PCDHGC4: variants seen among roughly 807,000 people sequenced by gnomAD.
PCDHGC4 encodes the protein protocadherin gamma subfamily C, 4.
A neutral mutation model predicts 59.7 loss-of-function variants in PCDHGC4; 15 were observed. That is an observed-to-expected ratio of 0.25 (90% CI 0.17 to 0.39). PCDHGC4 has a LOEUF of 0.39. Ranked by LOEUF, PCDHGC4 falls within the 10% of genes least tolerant of loss-of-function variation. The pLI is 1.00. For synonymous variants in PCDHGC4, 434 were observed against 481.4 expected, an observed-to-expected ratio of 0.90 and a Z score of 1.29; for missense variants, 1,016 against 1,189.5, an observed-to-expected ratio of 0.85 and a Z score of 2.15.
chr5:141,511,237 T>C lies in PCDHGC4; in HGVS notation c.*64T>C, dbSNP rs886816274. 1.9e-6 allele frequency: 3 copies of C among 1,590,378 alleles called. No homozygotes were observed. The South Asian group carries it at 3.4e-5, about 18-fold the overall frequency. ...CCAACCAGCCCAGCTTCTCCTTACC[T>C]GCACCCAGGCCTCAGAGTTTCAGGG... On this transcript the variant is annotated 3_prime_UTR_variant, in exon 4 of 4. Coordinates refer to ENST00000306593, the MANE Select transcript of PCDHGC4 (RefSeq NM_018928.3).
chr5:141,490,143 A>G lies in PCDHGC4; in HGVS notation c.2442+2528A>G. On this transcript the variant is annotated intron_variant, in intron 1 of 3. Transcript: ENST00000306593. The surrounding 1 kb of genome is among the most constrained non-coding windows in gnomAD (Gnocchi z 5.4). ...TTGGCCTAGACCCTAGCAGTGGGGC[A>G]ATCCATGTGTTGGGTCCCATAGACT... is the stretch of plus-strand genomic sequence containing the variant. 1 of 1,614,234 alleles carries G rather than the reference A, an allele frequency of 6.2e-7. No homozygotes were observed. The highest frequency in any genetic ancestry group is 8.5e-7 in the Non-Finnish European group (1 of 1,180,034).
chr5:141,502,500 G>C (rs1398797155), intron 2 of PCDHGC4, among the ~76,000 whole-genome samples: 1 of 152,046 alleles, frequency 6.6e-6, no homozygotes, highest in Non-Finnish European at 1.5e-5. Flanking sequence ...ATCTAACGTC[G>C]GCCTGTCCCA....
chr5:141,488,885 T>C (rs1401230063), intron 1 of PCDHGC4, among the ~76,000 whole-genome samples: 1 of 152,194 alleles, frequency 6.6e-6, no homozygotes, highest in Admixed American at 6.5e-5. Flanking sequence ...GAAGCTTCTG[T>C]GACACAGATT....
chr5:141,511,048 C>G lies in PCDHGC4; in HGVS notation c.2692C>G (p.Arg898Gly). The G allele has an allele frequency of 6.2e-7, 1 of 1,614,224 alleles. No homozygotes were observed. Among genetic ancestry groups the G allele is most frequent in the Non-Finnish European group, 8.5e-7 (1 of 1,180,028 alleles). ...QFTLQHVPDYRQNVYIPGSNA... is the reference protein window; with the variant it reads ...QFTLQHVPDYGQNVYIPGSNA... ...CACCCTGCAGCACGTGCCCGACTAC[C>G]GCCAGAATGTCTACATCCCAGGCAG... Residue 898 changes from arginine (R) to glycine (G), a missense_variant, in exon 4 of 4, where the codon CGC becomes GGC. Arg to Gly is a moderately radical substitution (Grantham distance 125, BLOSUM62 -2). Transcript: ENST00000306593.
chr5:141,490,485 G>A lies in PCDHGC4; in HGVS notation c.2442+2870G>A. 3 of 1,614,202 alleles carry A rather than the reference G, an allele frequency of 1.9e-6. No individual in the cohort carries two copies. Among genetic ancestry groups the A allele is most frequent in the Middle Eastern group, 3.3e-4 (2 of 6,062 alleles). On this transcript the variant is annotated intron_variant, in intron 1 of 3. Coordinates refer to ENST00000306593, the MANE Select transcript of PCDHGC4 (RefSeq NM_018928.3). This position sits in a 1 kb window ranked among gnomAD's most constrained non-coding sequence, Gnocchi z 5.4. ...TAACCAGCCAGCCTTTGGACCGGGA[G>A]GCCACATCCCACTATATCATCGAGC... is the stretch of plus-strand genomic sequence containing the variant.
At chr5:141,501,402 G>T (rs527659990) in intron 2 of PCDHGC4, among the ~76,000 whole-genome samples, 1 of 151,622 alleles carries the variant, frequency 6.6e-6, no homozygotes, top group African/African-American at 2.4e-5. Context: ...ACAGGCCACT[G>T]CTTGGAAAAT....
At chr5:141,505,296 G>A (rs1174492966) in intron 2 of PCDHGC4, 97 bp from the exon 3 acceptor site, 1 of 1,584,850 alleles carries the variant, frequency 6.3e-7, no homozygotes, top group Non-Finnish European at 8.6e-7. Context: ...ATGGGGTAGG[G>A]TTAGGGTACT....
intron 3 of PCDHGC4, among the ~76,000 whole-genome samples, chr5:141,510,354 G>A (rs1311482557): frequency 2.1e-5 from 3 of 146,300 alleles, no homozygotes; most frequent in Non-Finnish European, 4.5e-5. Flanking sequence ...ACTTACTAAC[G>A]GAACTACCGA....
intron 3 of PCDHGC4, 118 bp downstream of exon 3, chr5:141,505,599 G>A (rs936757644): frequency 1.5e-5 from 23 of 1,555,468 alleles, no homozygotes; most frequent in South Asian, 2.4e-5. Flanking sequence ...CAGATCTTTC[G>A]GCAGGTCTGA....
rs2099684984 is a variant in PCDHGC4 at position 141,489,278 on chromosome 5, G to A, written c.2442+1663G>A. ...ACACTCCCACAGCTCGCTGGGAAAT[G>A]GCAAGTGCTGTGCATGTTGTCCTTG... is the stretch of plus-strand genomic sequence containing the variant. On this transcript the variant is annotated intron_variant, in intron 1 of 3. Transcript: ENST00000306593. The surrounding 1 kb of genome is among the most constrained non-coding windows in gnomAD (Gnocchi z 4.5). The A allele has an allele frequency of 6.4e-7, 1 of 1,561,298 alleles. No homozygotes were observed. The highest frequency in any genetic ancestry group is 2.2e-5 in the East Asian group (1 of 44,520).
In PCDHGC4 at chr5:141,510,915, A is replaced by G; in HGVS notation, c.2591-32A>G. 8 of 1,613,786 alleles carry G rather than the reference A, an allele frequency of 5.0e-6. No individual in the cohort carries two copies. The South Asian group carries it at 8.8e-5, about 18-fold the overall frequency. ...AGTGACTGTTGAGGACCCTAAGTTT[A>G]GCTCCCACCTGATCTTCCTCTGTCT... On this transcript the variant is annotated intron_variant, in intron 3 of 3. Coordinates refer to ENST00000306593, the MANE Select transcript of PCDHGC4 (RefSeq NM_018928.3).
At chr5:141,509,670 T>G (rs2099877782) in intron 3 of PCDHGC4, among the ~76,000 whole-genome samples, 1 of 152,136 alleles carries the variant, frequency 6.6e-6, no homozygotes, top group African/African-American at 2.4e-5. Flanking sequence ...TGGGCCCCAG[T>G]TTCTTCTTCT....
At chr5:141,496,262 C>G (rs934511905) in intron 2 of PCDHGC4, among the ~76,000 whole-genome samples, 3 of 152,158 alleles carry the variant, frequency 2.0e-5, no homozygotes, top group African/African-American at 7.2e-5. Flanking sequence ...GAAACTTCAG[C>G]AGAAAGACCT....
At position 141,491,904 on chromosome 5, in the gene PCDHGC4, G is replaced by C; in HGVS notation, c.2443-2903G>C. The C allele has an allele frequency of 7.0e-7, 1 of 1,423,838 alleles. No individual in the cohort carries two copies. The allele number at this position is 1,423,838 out of a possible 1,614,324, so 88.2% of individuals were successfully genotyped here. ...GGATGGGGCTCCGAGCACCGGGGGT[G>C]GTGGCGACTGTGGGCGAGGGGAGGT... On this transcript the variant is annotated intron_variant, in intron 1 of 3. Coordinates refer to ENST00000306593, the MANE Select transcript of PCDHGC4 (RefSeq NM_018928.3). This position sits in a 1 kb window ranked among gnomAD's most constrained non-coding sequence, Gnocchi z 6.9.
Position 141,489,245 on chromosome 5 carries a change from G to A in PCDHGC4, c.2442+1630G>A, listed in dbSNP as rs773391205. 3 of 1,536,634 alleles carry A rather than the reference G, an allele frequency of 2.0e-6. No homozygotes were observed. The South Asian group carries it at 3.9e-5, about 20-fold the overall frequency. On this transcript the variant is annotated intron_variant, in intron 1 of 3. Transcript: ENST00000306593. The surrounding 1 kb of genome is among the most constrained non-coding windows in gnomAD (Gnocchi z 4.5). The stretch of plus-strand genomic sequence containing the variant: ...CCACAAAGGGACTTCTGGGTCATGG[G>A]GCCCAAGACACTCCCACAGCTCGCT...
Position 141,511,186 on chromosome 5 carries a change from G to A in PCDHGC4, c.*13G>A. 1 of 1,613,906 alleles carries A rather than the reference G, an allele frequency of 6.2e-7. No individual in the cohort carries two copies. The highest frequency in any genetic ancestry group is 8.5e-7 in the Non-Finnish European group (1 of 1,179,890). ...GGAGAAGAAGTAACATGGAGGCCAG[G>A]CCAAGAGCCACAGGGCGGCCTCTCC... On this transcript the variant is annotated 3_prime_UTR_variant, in exon 4 of 4. Transcript: ENST00000306593.
In PCDHGC4 at chr5:141,502,866, C is replaced by CT. The variant is rs549047197; in HGVS notation, c.2502-2513dup. ...GAGCTGCCTAACCCTGACTCTCTGT[C>CT]TTTTTTTTTTTTTTGACAGGGAGTC... On this transcript the variant is annotated intron_variant, in intron 2 of 3. Transcript: ENST00000306593. Among the ~76,000 whole-genome samples, 1,216 of 127,988 alleles carry CT rather than the reference C, an allele frequency of 9.5e-3. 34 individuals are homozygous for CT. Among genetic ancestry groups the CT allele is most frequent in the Non-Finnish European group, 0.015 (955 of 62,394 alleles). The allele number at this position is 127,988 out of a possible 152,430, so 84.0% of individuals were successfully genotyped here.
chr5:141,487,397 G>C lies in PCDHGC4; in HGVS notation c.2224G>C (p.Gly742Arg). The change falls in exon 1 of 4, where the codon GGG becomes CGG. Residue 742 changes from glycine (G) to arginine (R), a missense_variant. By Grantham distance (125) the Gly-to-Arg change is moderately radical (BLOSUM62 -2). Coordinates refer to ENST00000306593, the MANE Select transcript of PCDHGC4 (RefSeq NM_018928.3). The surrounding 1 kb of genome is among the most constrained non-coding windows in gnomAD (Gnocchi z 5.0). ...ACLTRSRRRE[G>R]LPPSNGILRI... is the part of the protein sequence containing the mutation. ...TCTCACCAGATCTCGAAGGAGGGAG[G>C]GGCTTCCCCCTTCCAATGGGATCCT... The C allele has an allele frequency of 6.2e-7, 1 of 1,614,062 alleles. No homozygotes were observed. The highest frequency in any genetic ancestry group is 8.5e-7 in the Non-Finnish European group (1 of 1,180,008).
At position 141,490,908 on chromosome 5, in the gene PCDHGC4, C is replaced by G; in HGVS notation, c.2442+3293C>G. On this transcript the variant is annotated intron_variant, in intron 1 of 3. Transcript: ENST00000306593. This position sits in a 1 kb window ranked among gnomAD's most constrained non-coding sequence, Gnocchi z 5.4. ...CATCTCTGCATGTGTTTGTCCTAGA[C>G]GAGAATGATAATGCCCCAGCTGTGC... The G allele has an allele frequency of 6.2e-7, 1 of 1,613,710 alleles. No individual in the cohort carries two copies. Among genetic ancestry groups the G allele is most frequent in the Non-Finnish European group, 8.5e-7 (1 of 1,179,754 alleles).
Sources: allele counts gnomAD v4.1 joint callset (sites outside exome capture counted in the v4.1 genomes callset), GRCh38; gene constraint gnomAD v4.1.1; non-coding constraint Gnocchi (gnomAD v3.1); transcripts MANE v1.5; gene names NCBI Gene and HGNC (gene_info 2026-07-23, HGNC 2026-07-21).